The following NFS1 variants were observed in gnomAD, a reference collection of about 807,000 sequenced individuals.
The protein encoded by NFS1 is NFS1 cysteine desulfurase.
NFS1 carries 26 observed loss-of-function variants against 57.3 expected under a neutral mutation model. The ratio of observed to expected loss-of-function variants is 0.45; its 90% CI spans 0.33 to 0.63. NFS1 has a LOEUF of 0.63. Ranked by LOEUF, NFS1 falls within the 20% of genes least tolerant of loss-of-function variation. The pLI is 0.02. For missense variants in NFS1, 505 were observed against 605.8 expected, an observed-to-expected ratio of 0.83 and a Z score of 1.75; for synonymous variants, 209 against 216.3, an observed-to-expected ratio of 0.97 and a Z score of 0.30.
intron 4 of NFS1, among the ~76,000 whole-genome samples, chr20:35,694,207 C>T (rs1004183027): frequency 6.6e-6 from 1 of 150,390 alleles, no homozygotes; most frequent in Non-Finnish European, 1.5e-5. Flanking sequence ...GGCGCAATCT[C>T]GGCCCACTGC....
intron 7 of NFS1, among the ~76,000 whole-genome samples, chr20:35,677,603 T>C (rs2034775849): frequency 6.6e-6 from 1 of 152,200 alleles, no homozygotes. Flanking sequence ...TACAGAAATT[T>C]TGTGCCAAAA....
intron 4 of NFS1, among the ~76,000 whole-genome samples, chr20:35,691,639 G>T (rs2035041754): frequency 1.3e-5 from 2 of 150,586 alleles, no homozygotes; most frequent in Non-Finnish European, 2.9e-5. Flanking sequence ...TACTCAGGAG[G>T]CTGAGGGAGG....
chr20:35,689,321 C>G lies in NFS1; in HGVS notation c.561+1092G>C, dbSNP rs548743980. Among the ~76,000 whole-genome samples, 4 of 152,112 alleles carry G rather than the reference C, an allele frequency of 2.6e-5. No homozygotes were observed. In the South Asian group the frequency reaches 8.3e-4, roughly 32 times the overall value. On this transcript the variant is annotated intron_variant, in intron 5 of 12. Coordinates refer to ENST00000374092, the MANE Select transcript of NFS1 (RefSeq NM_021100.5). ...TGACCAACATGGTGAAACTCTGTCT[C>G]TACTAAAAATACAAAAATTAGAGCC...
chr20:35,690,193 A>G, intron 5 of NFS1, among the ~76,000 whole-genome samples: 1 of 152,128 alleles, frequency 6.6e-6, no homozygotes, highest in Admixed American at 6.6e-5. Flanking sequence ...GTGAGACTCC[A>G]TCTCAAAAAA....
At chr20:35,674,461 C>A in intron 9 of NFS1, 30 bp from the exon 10 acceptor site, 1 of 1,611,670 alleles carries the variant, frequency 6.2e-7, no homozygotes, top group South Asian at 1.1e-5. Context: ...TGAGAGAGGT[C>A]TCAGAGTCTC....
At chr20:35,692,830 C>T (rs149734817) in intron 4 of NFS1, among the ~76,000 whole-genome samples, 12 of 151,810 alleles carry the variant, frequency 7.9e-5, no homozygotes, top group African/African-American at 2.4e-4. Flanking sequence ...GGCGAAACCC[C>T]GTCTCTACTA....
chr20:35,679,525 T>C (rs2034812718), intron 7 of NFS1, among the ~76,000 whole-genome samples: 1 of 152,136 alleles, frequency 6.6e-6, no homozygotes. Flanking sequence ...AATAGGCACA[T>C]GATGAAGAAT....
rs537283814 is a variant in NFS1 at position 35,686,994 on chromosome 20, C to T, written c.561+3419G>A. ...TGAGAAGTGACCAGAAGACAAGAGGCGAGCCTTCTGTTATGCGTGGACAGG... is the reference window on the plus strand; with the variant it reads ...TGAGAAGTGACCAGAAGACAAGAGGTGAGCCTTCTGTTATGCGTGGACAGG... On this transcript the variant is annotated intron_variant, in intron 5 of 12. Transcript: ENST00000374092. Among the ~76,000 whole-genome samples the T allele has an allele frequency of 3.7e-4, 56 of 152,244 alleles. No individual in the cohort carries two copies. In the South Asian group the frequency reaches 5.2e-3, roughly 14 times the overall value.
chr20:35,671,903 A>C (rs78376740), intron 12 of NFS1, among the ~76,000 whole-genome samples: 1 of 152,050 alleles, frequency 6.6e-6, no homozygotes, highest in African/African-American at 2.4e-5. Context: ...AAAAAAAAAA[A>C]AAACTACTAC....
intron 4 of NFS1, among the ~76,000 whole-genome samples, chr20:35,695,908 C>T (rs1230380803): frequency 3.9e-5 from 6 of 151,946 alleles, no homozygotes; most frequent in African/African-American, 1.5e-4. Context: ...GGCATGGTGG[C>T]GGGCACCTGT....
chr20:35,689,984 A>G (rs1455155102), intron 5 of NFS1, among the ~76,000 whole-genome samples: 3 of 150,176 alleles, frequency 2.0e-5, no homozygotes, highest in African/African-American at 7.4e-5. Context: ...CTGTAATCCC[A>G]GCTACTCGGG....
chr20:35,680,691 C>A, intron 7 of NFS1, 46 bp downstream of exon 7: 1 of 1,414,130 alleles, frequency 7.1e-7, no homozygotes, highest in Non-Finnish European at 9.3e-7. Context: ...TATCAAAGGT[C>A]TTGCTGGAAG....
chr20:35,689,755 C>T lies in NFS1; in HGVS notation c.561+658G>A, dbSNP rs185658506. ...ACTGCACTCCAGCCTGGCAATACAG[C>T]GAGACTCTGTTTTAAAAAAAAAAAA... On this transcript the variant is annotated intron_variant, in intron 5 of 12. Coordinates refer to ENST00000374092, the MANE Select transcript of NFS1 (RefSeq NM_021100.5). Among the ~76,000 whole-genome samples the T allele has an allele frequency of 1.0e-4, 12 of 114,866 alleles. No individual in the cohort carries two copies. In the East Asian group the frequency reaches 1.9e-3, roughly 18 times the overall value. 75.4% of individuals were successfully genotyped at this position (114,866 alleles called of 152,430 possible).
intron 10 of NFS1, 48 bp downstream of exon 10, chr20:35,674,302 T>C (rs2146412878): frequency 1.4e-6 from 2 of 1,463,406 alleles, no homozygotes; most frequent in East Asian, 2.3e-5. Context: ...CCTGTATGAC[T>C]CTTCTAAGTG....
At chr20:35,684,406 T>A in intron 5 of NFS1, among the ~76,000 whole-genome samples, 1 of 120,362 alleles carries the variant, frequency 8.3e-6, no homozygotes, top group Non-Finnish European at 1.6e-5. Flanking sequence ...AGACTCCATC[T>A]CAAATAAATA....
At chr20:35,693,687 G>T (rs963403209) in intron 4 of NFS1, among the ~76,000 whole-genome samples, 1 of 152,078 alleles carries the variant, frequency 6.6e-6, no homozygotes, top group African/African-American at 2.4e-5. Context: ...TAACAGGCCG[G>T]GCGCGGTGGT....
At chr20:35,696,674 T>TA (rs1359633588) in intron 3 of NFS1, among the ~76,000 whole-genome samples, 2 of 150,220 alleles carry the variant, frequency 1.3e-5, no homozygotes, top group African/African-American at 4.9e-5. Context: ...CTTTTTTTTT[T>TA]TAATGAACTA....
intron 4 of NFS1, chr20:35,692,410 A>AG: frequency 5.7e-6 from 1 of 176,720 alleles, no homozygotes; most frequent in Non-Finnish European, 1.2e-5. Context: ...AAAAAAAAAA[A>AG]AGGGGGCTGG....
intron 4 of NFS1, chr20:35,692,412 G>A (rs1458263076): frequency 4.1e-5 from 7 of 170,778 alleles, no homozygotes; most frequent in South Asian, 1.3e-4. Flanking sequence ...AAAAAAAAAA[G>A]GGGGCTGGAT....
Sources: gnomAD v4.1 joint callset for allele counts (sites outside exome capture counted in the v4.1 genomes callset) on GRCh38, gnomAD v4.1.1 for gene constraint, MANE v1.5 for transcripts, NCBI Gene and HGNC (gene_info 2026-07-23, HGNC 2026-07-21) for gene names.